CCSER2: variants seen among roughly 807,000 people sequenced by gnomAD.
CCSER2 encodes the protein coiled-coil serine rich protein 2.
CCSER2 carries 46 observed loss-of-function variants against 92.3 expected under a neutral mutation model. The observed-to-expected ratio is 0.50, with a 90% CI of 0.39 to 0.64. The LOEUF is 0.64. Ranked by LOEUF, CCSER2 falls within the 30% of genes least tolerant of loss-of-function variation. The pLI, the probability that CCSER2 is intolerant of heterozygous loss-of-function variation, is 0.00. For missense variants in CCSER2, 1,244 were observed against 1,238.9 expected (o/e 1.00, Z -0.06); for synonymous variants, 433 against 431.4 (o/e 1.00, Z -0.04).
chr10:84,453,942 T>G (rs1469628337), intron 6 of CCSER2, among the ~76,000 whole-genome samples: 1 of 152,192 alleles, frequency 6.6e-6, no homozygotes, highest in Admixed American at 6.5e-5. Context: ...ATTTATCTGG[T>G]GTTTCTCTCT....
Position 84,391,386 on chromosome 10 carries a change from T to G in CCSER2, c.1614+17571T>G, listed in dbSNP as rs1260633210. The G allele has an allele frequency of 1.4e-5, 21 of 1,464,668 alleles. No homozygotes were observed. In the South Asian group the frequency reaches 1.7e-4, roughly 12 times the overall value. The allele number at this position is 1,464,668 out of a possible 1,614,324, so 90.7% of individuals were successfully genotyped here. A position where few individuals can be genotyped will look rare whatever the true frequency, so the allele number is the denominator to read the frequency against. On this transcript the variant is annotated intron_variant, in intron 3 of 9. Transcript: ENST00000372088. ...GTAGCCCAAAGTAACATCCTAACAC[T>G]AATGCATCAGTGGATGCAGGATAAA... is the stretch of plus-strand genomic sequence containing the variant.
chr10:84,341,198 A>AT (rs1288684581), intron 1 of CCSER2, among the ~76,000 whole-genome samples: 2 of 151,590 alleles, frequency 1.3e-5, no homozygotes, highest in East Asian at 3.9e-4. Context: ...TGCCCAGCTA[A>AT]TTTTTAAACA....
chr10:84,411,993 A>G (rs796155977), intron 3 of CCSER2, among the ~76,000 whole-genome samples: 6 of 152,210 alleles, frequency 3.9e-5, no homozygotes, highest in African/African-American at 1.4e-4. Context: ...TTCACTGCCT[A>G]GTTTATTGAG....
At chr10:84,459,676 C>A (rs752946121) in intron 6 of CCSER2, among the ~76,000 whole-genome samples, 21 of 152,094 alleles carry the variant, frequency 1.4e-4, no homozygotes, top group Non-Finnish European at 2.2e-4. Flanking sequence ...GTGCATCCCA[C>A]CACACCTGGC....
chr10:84,426,039 A>G (rs538958381), intron 5 of CCSER2, 146 bp downstream of exon 5: 3 of 451,702 alleles, frequency 6.6e-6, no homozygotes, highest in East Asian at 6.8e-5. Context: ...ATGTGGTACT[A>G]ATTGGAATAA....
intron 1 of CCSER2, among the ~76,000 whole-genome samples, chr10:84,332,415 TATATATA>T (rs1843613263): frequency 1.3e-5 from 1 of 76,466 alleles, no homozygotes; most frequent in African/African-American, 6.8e-5. Context: ...TATTTTTTTA[TATATATA>T]TATATATATA....
At chr10:84,354,482 T>C (rs893975153) in intron 1 of CCSER2, among the ~76,000 whole-genome samples, 8 of 152,092 alleles carry the variant, frequency 5.3e-5, no homozygotes, top group African/African-American at 1.4e-4. Flanking sequence ...TCAAAGTTTC[T>C]TGCAAATTAC....
chr10:84,389,212 G>A (rs757401310), intron 3 of CCSER2: 2 of 425,386 alleles, frequency 4.7e-6, no homozygotes, highest in Non-Finnish European at 9.2e-6. Context: ...CATCTATGAT[G>A]TCATGAGGGT....
In CCSER2 at chr10:84,425,870, C is replaced by A; in HGVS notation, c.1845C>A (p.His615Gln). Reference protein sequence around the residue: ...YHLSHPDHYHHHGKSDLSRGS... With the variant: ...YHLSHPDHYHQHGKSDLSRGS... The stretch of plus-strand genomic sequence containing the variant: ...TCAGCCACCCTGACCACTATCATCA[C>A]CATGGAAAAAGTGACTTGAGCAGGT... Residue 615 changes from histidine to glutamine, a missense_variant, in exon 5 of 10, where the codon CAC becomes CAA. Coordinates refer to ENST00000372088, the MANE Select transcript of CCSER2 (RefSeq NM_001284240.2). 6.2e-7 allele frequency: 1 copy of A among 1,602,926 alleles called. No individual in the cohort carries two copies. Among genetic ancestry groups the A allele is most frequent in the Non-Finnish European group, 8.5e-7 (1 of 1,174,188 alleles).
intron 3 of CCSER2, among the ~76,000 whole-genome samples, chr10:84,382,302 C>T (rs1177643418): frequency 6.6e-6 from 1 of 152,082 alleles, no homozygotes; most frequent in Non-Finnish European, 1.5e-5. Flanking sequence ...TATGGACTAC[C>T]TACTACCTTT....
At chr10:84,484,490 C>CGTGTGTGTGTGTGT (rs143391336) in intron 9 of CCSER2, among the ~76,000 whole-genome samples, 149 of 147,398 alleles carry the variant, frequency 1.0e-3, no homozygotes, top group African/African-American at 3.4e-3. Flanking sequence ...TGTGCATGCA[C>CGTGTGTGTGTGTGT]GTGTGTGTGT....
chr10:84,496,578 C>T (rs1376991905), intron 9 of CCSER2, among the ~76,000 whole-genome samples: 1 of 152,240 alleles, frequency 6.6e-6, no homozygotes, highest in East Asian at 1.9e-4. Flanking sequence ...AGCCACCGCG[C>T]CCGGCCTTCC....
chr10:84,408,826 A>G (rs2133351683), intron 3 of CCSER2, among the ~76,000 whole-genome samples: 1 of 152,202 alleles, frequency 6.6e-6, no homozygotes, highest in Admixed American at 6.5e-5. Flanking sequence ...CTTGTTTCAC[A>G]CATACTCAGA....
intron 1 of CCSER2, among the ~76,000 whole-genome samples, chr10:84,346,252 CGG>C (rs1402445156): frequency 1.3e-5 from 2 of 151,948 alleles, no homozygotes; most frequent in Non-Finnish European, 2.9e-5. Flanking sequence ...TTAGTAGAGA[CGG>C]GGTTTCTCTA....
chr10:84,514,364 C>T lies in CCSER2; in HGVS notation c.*97C>T, dbSNP rs1051300504. The T allele has an allele frequency of 1.2e-5, 10 of 819,458 alleles. No individual in the cohort carries two copies. The African/African-American group carries it at 1.7e-4, about 14-fold the overall frequency. The allele number at this position is 819,458 out of a possible 1,614,324, so 50.8% of individuals were successfully genotyped here. A position where few individuals can be genotyped will look rare whatever the true frequency, so the allele number is the denominator to read the frequency against. On this transcript the variant is annotated 3_prime_UTR_variant, in exon 10 of 10. Transcript: ENST00000372088. ...CAGCTTGCTACTGTGGTGGAGGTTC[C>T]ATTGAAAGCCTGCAAATCTTAAATT...
chr10:84,449,483 C>T (rs1311039783), intron 6 of CCSER2, among the ~76,000 whole-genome samples: 3 of 152,166 alleles, frequency 2.0e-5, no homozygotes, highest in African/African-American at 7.2e-5. Flanking sequence ...GCTGCAGTTT[C>T]CTAGAAAAGA....
intron 5 of CCSER2, among the ~76,000 whole-genome samples, chr10:84,437,438 C>G (rs200245543): frequency 6.6e-6 from 1 of 151,952 alleles, no homozygotes; most frequent in East Asian, 1.9e-4. Context: ...CGCTTGAACT[C>G]CGGAGGCAGA....
chr10:84,457,528 T>A (rs1324131098), intron 6 of CCSER2, among the ~76,000 whole-genome samples: 1 of 118,786 alleles, frequency 8.4e-6, no homozygotes, highest in Non-Finnish European at 1.6e-5. Context: ...ATATATAATA[T>A]ATGTATAATT....
chr10:84,494,264 T>G (rs559588465), intron 9 of CCSER2, among the ~76,000 whole-genome samples: 2 of 152,332 alleles, frequency 1.3e-5, no homozygotes, highest in South Asian at 4.1e-4. Flanking sequence ...TGTCAGGTGC[T>G]GGTGGGAGTG....
Sources: allele counts gnomAD v4.1 joint callset (sites outside exome capture counted in the v4.1 genomes callset), GRCh38; gene constraint gnomAD v4.1.1; transcripts MANE v1.5; gene names NCBI Gene and HGNC (gene_info 2026-07-23, HGNC 2026-07-21).